LGR4: variants seen among roughly 807,000 people sequenced by gnomAD.
The protein encoded by LGR4 is leucine rich repeat containing G protein-coupled receptor 4, also known as leucine-rich repeat-containing G protein-coupled receptor 4.
A neutral mutation model predicts 84.8 loss-of-function variants in LGR4; 44 were observed. That is an observed-to-expected ratio of 0.52 (90% CI 0.41 to 0.67). LGR4 has a LOEUF of 0.67. Among genes scored for constraint, LGR4 ranks in the 30% least tolerant of loss-of-function variants. The pLI is 0.00. For synonymous variants in LGR4, 429 were observed against 434.3 expected, an observed-to-expected ratio of 0.99 and a Z score of 0.15; for missense variants, 1,032 against 1,131.4, an observed-to-expected ratio of 0.91 and a Z score of 1.26.
intron 1 of LGR4, among the ~76,000 whole-genome samples, chr11:27,469,930 T>C (rs140625247): frequency 3.9e-5 from 6 of 152,302 alleles, no homozygotes; most frequent in Non-Finnish European, 7.3e-5. Context: ...TACATTGCTT[T>C]TGAGAATCAC....
At chr11:27,438,017 G>A (rs370191146) in intron 1 of LGR4, among the ~76,000 whole-genome samples, 31 of 151,790 alleles carry the variant, frequency 2.0e-4, no homozygotes, top group African/African-American at 6.0e-4. Flanking sequence ...CTCTCCACCC[G>A]CCCCAGGAAA....
chr11:27,414,315 T>G (rs1863770824), intron 1 of LGR4, among the ~76,000 whole-genome samples: 1 of 151,734 alleles, frequency 6.6e-6, no homozygotes, highest in Non-Finnish European at 1.5e-5. Flanking sequence ...GCTTAAAAAC[T>G]GGGAGGAATA....
In LGR4 at chr11:27,472,103, G is replaced by A. The variant is rs751198307; in HGVS notation, c.185+15C>T. 7.1e-5 allele frequency: 28 copies of A among 392,062 alleles called. No individual in the cohort carries two copies. In the South Asian group the frequency reaches 2.2e-3, roughly 31 times the overall value. 24.3% of individuals were successfully genotyped at this position (392,062 alleles called of 1,614,324 possible). On this transcript the variant is annotated intron_variant, in intron 1 of 17. Coordinates refer to ENST00000379214, the MANE Select transcript of LGR4 (RefSeq NM_018490.5). ...TTTCCTCCCCCCCCCTCGCGTCCCCGCCGCCCGCACTCACAGCGCTTGGGT... is the reference window on the plus strand; with the variant it reads ...TTTCCTCCCCCCCCCTCGCGTCCCCACCGCCCGCACTCACAGCGCTTGGGT...
At chr11:27,414,554 T>A (rs1565085081) in intron 1 of LGR4, among the ~76,000 whole-genome samples, 1 of 152,128 alleles carries the variant, frequency 6.6e-6, no homozygotes, top group Non-Finnish European at 1.5e-5. Context: ...AAATGTTATA[T>A]CATTGAAAAC....
intron 2 of LGR4, among the ~76,000 whole-genome samples, chr11:27,404,704 A>G (rs1021479114): frequency 6.6e-6 from 1 of 152,164 alleles, no homozygotes. Flanking sequence ...AGTCTGGCCA[A>G]TCAGGATCCC....
intron 1 of LGR4, among the ~76,000 whole-genome samples, chr11:27,425,707 G>A (rs913961993): frequency 2.6e-5 from 4 of 152,124 alleles, no homozygotes; most frequent in Non-Finnish European, 4.4e-5. Flanking sequence ...CCCACTAATA[G>A]CAGTAGATAT....
At chr11:27,381,036 G>A in intron 7 of LGR4, 70 bp from the exon 8 acceptor site, 1 of 801,508 alleles carries the variant, frequency 1.2e-6, no homozygotes, top group Non-Finnish European at 2.2e-6. Flanking sequence ...AGTATCTACT[G>A]CTGTTCAGCA....
chr11:27,464,936 A>G (rs530305536), intron 1 of LGR4, among the ~76,000 whole-genome samples: 1 of 152,334 alleles, frequency 6.6e-6, no homozygotes, highest in East Asian at 1.9e-4. Context: ...AGAAAACACA[A>G]CCAGCTAAAG....
intron 5 of LGR4, 26 bp downstream of exon 5, chr11:27,385,227 T>C: frequency 7.0e-7 from 1 of 1,427,058 alleles, no homozygotes; most frequent in East Asian, 2.4e-5. Flanking sequence ...CACAAATATA[T>C]GGAATTAAAA....
chr11:27,372,437 C>A (rs774662010), intron 15 of LGR4, 39 bp from the exon 16 acceptor site: 42 of 1,105,628 alleles, frequency 3.8e-5, no homozygotes, highest in Non-Finnish European at 5.6e-5. Flanking sequence ...TGAACAGCAA[C>A]TCCGCAGTTA....
At chr11:27,436,390 G>A (rs1236635400) in intron 1 of LGR4, among the ~76,000 whole-genome samples, 2 of 150,582 alleles carry the variant, frequency 1.3e-5, no homozygotes, top group Non-Finnish European at 3.0e-5. Context: ...AGAGAGGATG[G>A]GAGGGGAGGG....
chr11:27,458,335 G>A (rs1864611366), intron 1 of LGR4, among the ~76,000 whole-genome samples: 1 of 152,058 alleles, frequency 6.6e-6, no homozygotes, highest in African/African-American at 2.4e-5. Context: ...GAGGTTGGAG[G>A]TGAAGAGAGG....
chr11:27,380,383 T>C (rs746485941), intron 9 of LGR4, 44 bp from the exon 10 acceptor site: 2 of 1,447,194 alleles, frequency 1.4e-6, no homozygotes, highest in Non-Finnish European at 9.6e-7. Flanking sequence ...AAATTTTTTT[T>C]CATATTTTAT....
intron 14 of LGR4, 47 bp from the exon 15 acceptor site, chr11:27,373,723 C>T (rs368054398): frequency 1.4e-6 from 2 of 1,470,722 alleles, no homozygotes; most frequent in East Asian, 2.3e-5. Context: ...ATATAAATCA[C>T]ATAAAAACAT....
Position 27,385,148 on chromosome 11 carries a change from A to T in LGR4, c.617+105T>A. The T allele has an allele frequency of 5.2e-6, 4 of 770,210 alleles. No individual in the cohort carries two copies. In the South Asian group the frequency reaches 8.2e-5, roughly 16 times the overall value. 47.7% of individuals were successfully genotyped at this position (770,210 alleles called of 1,614,324 possible). The stretch of plus-strand genomic sequence containing the variant: ...GCAGCTCCCAAAGCACTAACTACTC[A>T]GGAGCATATTCAGCGAGATGCCTTG... On this transcript the variant is annotated intron_variant, in intron 5 of 17. Transcript: ENST00000379214.
intron 1 of LGR4, among the ~76,000 whole-genome samples, chr11:27,444,324 G>A (rs533420446): frequency 6.6e-6 from 1 of 152,262 alleles, no homozygotes; most frequent in Admixed American, 6.5e-5. Context: ...TCAAAGAAGT[G>A]CTGTTAAACC....
rs1199339070 is a variant in LGR4 at position 27,368,185 on chromosome 11, G to A, written c.2538C>T (p.Gly846=). ...GGTTGCCCTGCAAATGTGAGTACAT[G>A]CCACAGTCGTAGTAGAAATCCTGTT... ...CLEQDFYYDC[G]MYSHLQGNLT... The change falls in exon 18 of 18, where the codon GGC becomes GGT. Residue 846 remains glycine, a synonymous_variant. Transcript: ENST00000379214. 6.2e-7 allele frequency: 1 copy of A among 1,614,196 alleles called. No homozygotes were observed. The highest frequency in any genetic ancestry group is 8.5e-7 in the Non-Finnish European group (1 of 1,180,020).
At chr11:27,398,350 T>TA (rs1005793883) in intron 2 of LGR4, among the ~76,000 whole-genome samples, 8 of 152,168 alleles carry the variant, frequency 5.3e-5, no homozygotes, top group Non-Finnish European at 1.2e-4. Context: ...GGAAGCAGCT[T>TA]AAAAAACAAG....
intron 2 of LGR4, among the ~76,000 whole-genome samples, chr11:27,408,903 G>A (rs1250924447): frequency 6.6e-6 from 1 of 152,024 alleles, no homozygotes; most frequent in African/African-American, 2.4e-5. Context: ...TAAAGAATAG[G>A]AAAGTAAAGT....
Sources: gnomAD v4.1 joint callset for allele counts (sites outside exome capture counted in the v4.1 genomes callset) on GRCh38, gnomAD v4.1.1 for gene constraint, MANE v1.5 for transcripts, NCBI Gene and HGNC (gene_info 2026-07-23, HGNC 2026-07-21) for gene names.